Variants in OTOGL observed in about 807,000 individuals in gnomAD.
The protein encoded by OTOGL is otogelin-like protein.
OTOGL carries 285 observed loss-of-function variants against 318.5 expected under a neutral mutation model. The observed-to-expected ratio is 0.89, with a 90% confidence interval of 0.81 to 0.99. The LOEUF (loss-of-function observed/expected upper bound fraction) is 0.99, where lower values mean the gene tolerates loss of function less well. Among genes scored for constraint, OTOGL ranks in the 50% least tolerant of loss-of-function variants. The probability of loss-of-function intolerance (pLI) is 0.00; values close to 1 mark genes in which losing one functional copy is unlikely to be tolerated. For missense variants in OTOGL, 2,899 were observed against 2,845.6 expected, an observed-to-expected ratio of 1.02 and a Z score of -0.43; for synonymous variants, 987 against 936.5, an observed-to-expected ratio of 1.05 and a Z score of -0.99.
At chr12:80,179,261 G>A (rs917696712) in intron 1 of OTOGL, among the ~76,000 whole-genome samples, 42 of 152,126 alleles carry the variant, frequency 2.8e-4, no homozygotes, top group African/African-American at 8.9e-4. Context: ...GTCATCAGCA[G>A]ACAAACATTA....
intron 39 of OTOGL, 132 bp from the exon 40 acceptor site, chr12:80,336,281 C>T: frequency 7.5e-7 from 1 of 1,329,880 alleles, no homozygotes; most frequent in Non-Finnish European, 9.8e-7. Flanking sequence ...TTTTGGCTCA[C>T]AGTATATAAC....
At chr12:80,356,546 G>C (rs758730578) in intron 48 of OTOGL, 26 bp downstream of exon 48, 1 of 1,503,174 alleles carries the variant, frequency 6.7e-7, no homozygotes, top group Non-Finnish European at 9.2e-7. Flanking sequence ...AGAAAATTAA[G>C]AGTGAGGTTC....
chr12:80,179,753 G>T (rs1241482925), intron 1 of OTOGL, among the ~76,000 whole-genome samples: 1 of 152,192 alleles, frequency 6.6e-6, no homozygotes, highest in Non-Finnish European at 1.5e-5. Context: ...CTCACTCTTG[G>T]ACAATTTTGC....
chr12:80,119,946 T>C (rs1037460162), intron 1 of OTOGL, among the ~76,000 whole-genome samples: 3 of 152,198 alleles, frequency 2.0e-5, no homozygotes, highest in African/African-American at 7.2e-5. Flanking sequence ...TCATCAGTTG[T>C]CTTTAGAGAC....
At chr12:80,312,196 A>C (rs933162095) in intron 30 of OTOGL, among the ~76,000 whole-genome samples, 15 of 152,224 alleles carry the variant, frequency 9.9e-5, no homozygotes, top group Admixed American at 5.2e-4. Context: ...CTTCCTTTCC[A>C]ACTAAATATA....
chr12:80,218,795 C>CTTTTTT (rs34204072), intron 5 of OTOGL, among the ~76,000 whole-genome samples: 19 of 118,214 alleles, frequency 1.6e-4, no homozygotes, highest in South Asian at 7.9e-4. Flanking sequence ...CTTTTTCTTT[C>CTTTTTT]TTTTTTTTTT....
intron 26 of OTOGL, among the ~76,000 whole-genome samples, chr12:80,284,415 A>G (rs1884462328): frequency 6.6e-6 from 1 of 152,172 alleles, no homozygotes; most frequent in African/African-American, 2.4e-5. Context: ...TGCTGGGTCA[A>G]GTGGTATTTC....
intron 27 of OTOGL, among the ~76,000 whole-genome samples, chr12:80,301,821 C>A (rs1217621876): frequency 6.6e-6 from 1 of 152,170 alleles, no homozygotes; most frequent in Admixed American, 6.5e-5. Context: ...TAGTAGCAGA[C>A]CCAATTGCCA....
At chr12:80,177,304 G>C (rs1476575058) in intron 1 of OTOGL, among the ~76,000 whole-genome samples, 2 of 152,124 alleles carry the variant, frequency 1.3e-5, no homozygotes, top group Non-Finnish European at 2.9e-5. Context: ...AGGTTGTAAG[G>C]GGGTGGTTGT....
At chr12:80,257,642 T>C (rs900613379) in intron 17 of OTOGL, among the ~76,000 whole-genome samples, 183 bp from the exon 18 acceptor site, 1 of 151,554 alleles carries the variant, frequency 6.6e-6, no homozygotes, top group Non-Finnish European at 1.5e-5. Context: ...AGGAGAGGAA[T>C]AGGAGGGAAA....
intron 26 of OTOGL, among the ~76,000 whole-genome samples, chr12:80,295,459 G>A (rs137928404): frequency 0.012 from 1,809 of 152,262 alleles, 35 homozygotes; most frequent in African/African-American, 0.042. Flanking sequence ...TTACAGGCGT[G>A]AGCCACCGCG....
chr12:80,284,279 TGA>T (rs1323899283), intron 26 of OTOGL, among the ~76,000 whole-genome samples: 1 of 152,192 alleles, frequency 6.6e-6, no homozygotes, highest in East Asian at 1.9e-4. Context: ...AGTCTGTCAT[TGA>T]TGGGCATTTG....
At position 80,255,185 on chromosome 12, in the gene OTOGL, G is replaced by A. The variant is rs767371896; in HGVS notation, c.1587G>A (p.Gln529=). 4.1e-6 allele frequency: 6 copies of A among 1,479,854 alleles called. No individual in the cohort carries two copies. The African/African-American group carries it at 5.7e-5, about 14-fold the overall frequency. The allele number at this position is 1,479,854 out of a possible 1,614,324, so 91.7% of individuals were successfully genotyped here. A position where few individuals can be genotyped will look rare whatever the true frequency, so the allele number is the denominator to read the frequency against. ...CTTTACAGAAAGCTCCCTGTGAGCA[G>A]GTAAGAACATTTCAAAATGACCAGA... ...TITLQKAPCE[Q]NLGLVCLQSI... is the part of the protein sequence containing the mutation. Residue 529 remains glutamine, a splice_region_variant and synonymous_variant, in exon 16 of 59, where the codon CAG becomes CAA. Coordinates refer to ENST00000547103, the MANE Select transcript of OTOGL (RefSeq NM_001378609.3).
intron 7 of OTOGL, among the ~76,000 whole-genome samples, chr12:80,226,303 T>G (rs1018332368): frequency 8.6e-5 from 13 of 152,014 alleles, no homozygotes; most frequent in Non-Finnish European, 1.6e-4. Flanking sequence ...TGTCACTATG[T>G]AAATATTGTT....
At chr12:80,292,399 C>G (rs1012935613) in intron 26 of OTOGL, among the ~76,000 whole-genome samples, 1 of 152,340 alleles carries the variant, frequency 6.6e-6, no homozygotes, top group South Asian at 2.1e-4. Context: ...ATGCAGTTAA[C>G]TCTTGTTCTG....
rs1843015815 is a variant in OTOGL, at chr12:80,379,999, T to C, written c.*1951T>C. The C allele has an allele frequency of 6.6e-6, 1 of 152,064 alleles. No homozygotes were observed. The highest frequency in any genetic ancestry group is 2.1e-4 in the South Asian group (1 of 4,828). 9.4% of individuals were successfully genotyped at this position (152,064 alleles called of 1,614,324 possible). On this transcript the variant is annotated 3_prime_UTR_variant, in exon 59 of 59. Coordinates refer to ENST00000547103, the MANE Select transcript of OTOGL (RefSeq NM_001378609.3). ...TCCCAAAACTTATTAGAATGTGGCA[T>C]ATCATAAAGATGACTCTGAAATCAG... is the stretch of plus-strand genomic sequence containing the variant.
At position 80,320,479 on chromosome 12, in the gene OTOGL, A is replaced by G. The variant is rs1001579954; in HGVS notation, c.3860A>G (p.His1287Arg). The G allele has an allele frequency of 3.1e-6, 5 of 1,613,456 alleles. No homozygotes were observed. The highest frequency in any genetic ancestry group is 3.3e-5 in the Admixed American group (2 of 59,926). The stretch of plus-strand genomic sequence containing the variant: ...AGGCCAAACTACTTTCTCTATGTCC[A>G]TGACAATGATACTCTTAGCTTGGAG... ...AERPNYFLYV[H>R]DNDTLSLELW... is the part of the protein sequence containing the mutation. The change falls in exon 34 of 59, where the codon CAT becomes CGT. Residue 1287 changes from histidine to arginine, a missense_variant. By Grantham distance (29) the His-to-Arg change is conservative. Coordinates refer to ENST00000547103, the MANE Select transcript of OTOGL (RefSeq NM_001378609.3).
At chr12:80,336,851 A>G (rs1270624460) in intron 41 of OTOGL, 31 bp downstream of exon 41, 2 of 1,538,086 alleles carry the variant, frequency 1.3e-6, no homozygotes, top group Non-Finnish European at 1.8e-6. Flanking sequence ...TAGTACATTC[A>G]TTCTGTTTAT....
chr12:80,185,948 T>A (rs1875259420), intron 1 of OTOGL, among the ~76,000 whole-genome samples: 1 of 152,184 alleles, frequency 6.6e-6, no homozygotes, highest in Non-Finnish European at 1.5e-5. Flanking sequence ...AAGAGTTAGA[T>A]GAGATCAAGA....
Sources: allele counts gnomAD v4.1 joint callset (sites outside exome capture counted in the v4.1 genomes callset), GRCh38; gene constraint gnomAD v4.1.1; transcripts MANE v1.5; gene names NCBI Gene and HGNC (gene_info 2026-07-23, HGNC 2026-07-21).